Variants in INPP5D observed in about 807,000 individuals in gnomAD.
INPP5D encodes the protein phosphatidylinositol 3,4,5-trisphosphate 5-phosphatase 1.
In INPP5D, 33 loss-of-function variants were observed where a neutral mutation model predicts 122.9. The observed-to-expected ratio is 0.27, with a 90% CI of 0.20 to 0.36. The LOEUF (loss-of-function observed/expected upper bound fraction) is 0.36. Ranked by LOEUF, INPP5D falls within the 10% of genes least tolerant of loss-of-function variation. The pLI, the probability that INPP5D is intolerant of heterozygous loss-of-function variation, is 1.00. For missense variants in INPP5D, 1,053 were observed against 1,412.7 expected, an observed-to-expected ratio of 0.75 and a Z score of 4.08; for synonymous variants, 584 against 576.2, an observed-to-expected ratio of 1.01 and a Z score of -0.19.
intron 10 of INPP5D, among the ~76,000 whole-genome samples, chr2:233,159,299 T>G (rs182266075): frequency 6.6e-6 from 1 of 152,298 alleles, no homozygotes; most frequent in African/African-American, 2.4e-5. Flanking sequence ...AAACCTATCA[T>G]CGTGAACCTC....
At chr2:233,065,953 A>ATTTTTT (rs1357432161) in intron 1 of INPP5D, among the ~76,000 whole-genome samples, 44 of 149,082 alleles carry the variant, frequency 3.0e-4, no homozygotes, top group African/African-American at 1.0e-3. Context: ...CCTTTTTTTA[A>ATTTTTT]AATTATTATT....
At chr2:233,200,070 A>C (rs1190368775) in intron 25 of INPP5D, among the ~76,000 whole-genome samples, 1 of 152,242 alleles carries the variant, frequency 6.6e-6, no homozygotes, top group South Asian at 2.1e-4. Context: ...GCCAGCCTGC[A>C]GAGAGAGGAG....
At chr2:233,106,180 A>C (rs895419516) in intron 2 of INPP5D, among the ~76,000 whole-genome samples, 1 of 152,034 alleles carries the variant, frequency 6.6e-6, no homozygotes, top group African/African-American at 2.4e-5. Flanking sequence ...CTCAAATCTC[A>C]ATACTTAATG....
intron 5 of INPP5D, 103 bp from the exon 6 acceptor site, chr2:233,139,739 T>A: frequency 2.5e-6 from 1 of 394,224 alleles, no homozygotes; most frequent in Non-Finnish European, 4.5e-6. Context: ...CTGCTTCTGC[T>A]GGACTGAGGG....
At chr2:233,117,150 G>A (rs529216086) in intron 2 of INPP5D, among the ~76,000 whole-genome samples, 1 of 152,270 alleles carries the variant, frequency 6.6e-6, no homozygotes, top group South Asian at 2.1e-4. Flanking sequence ...GTTTCAAAAT[G>A]ACTTAACAAC....
intron 21 of INPP5D, among the ~76,000 whole-genome samples, chr2:233,187,803 G>A (rs1220261744): frequency 1.3e-5 from 2 of 152,156 alleles, no homozygotes; most frequent in Non-Finnish European, 2.9e-5. Context: ...TGCCTCACCC[G>A]GCCCAAGCCC....
rs967452334 is a variant in INPP5D, at chr2:233,063,154, G to A, written c.134+2542G>A. On this transcript the variant is annotated intron_variant, in intron 1 of 26. Transcript: ENST00000445964. ...TGTGCAGGGCAGCCGGGTTTTCTGC[G>A]GCTGCAGAAGTAGCAGGCTTTGCCC... Among the ~76,000 whole-genome samples the A allele has an allele frequency of 2.0e-5, 3 of 152,224 alleles. No individual in the cohort carries two copies. The South Asian group carries it at 6.2e-4, about 31-fold the overall frequency.
intron 5 of INPP5D, among the ~76,000 whole-genome samples, chr2:233,138,912 A>ATTTTT (rs759201099): frequency 1.4e-5 from 2 of 140,428 alleles, no homozygotes; most frequent in South Asian, 2.3e-4. Flanking sequence ...CACCTGGCTA[A>ATTTTT]TTTTTTTTTT....
chr2:233,141,779 T>A (rs1693636279), intron 6 of INPP5D, among the ~76,000 whole-genome samples: 1 of 152,082 alleles, frequency 6.6e-6, no homozygotes, highest in African/African-American at 2.4e-5. Context: ...GGGAAGGATT[T>A]AAACCCAAAG....
intron 2 of INPP5D, among the ~76,000 whole-genome samples, chr2:233,101,899 G>A (rs1200871174): frequency 1.3e-5 from 2 of 151,736 alleles, no homozygotes; most frequent in East Asian, 3.8e-4. Flanking sequence ...TGTGTGATCA[G>A]GGTCAAACTG....
At chr2:233,180,566 A>G (rs4585024) in intron 18 of INPP5D, among the ~76,000 whole-genome samples, 111,327 of 152,046 alleles carry the variant, frequency 0.73, 42,302 homozygotes, top group East Asian at 0.98. Context: ...TTTTGAGACA[A>G]TCTTGCTTTG....
intron 1 of INPP5D, among the ~76,000 whole-genome samples, chr2:233,063,379 G>A (rs750229049): frequency 1.3e-5 from 2 of 152,242 alleles, no homozygotes; most frequent in Non-Finnish European, 2.9e-5. Context: ...TGGGCAAGGG[G>A]ACAACGGCCG....
intron 17 of INPP5D, among the ~76,000 whole-genome samples, chr2:233,172,719 TA>T (rs1417314511): frequency 2.0e-5 from 3 of 152,244 alleles, no homozygotes; most frequent in African/African-American, 7.2e-5. Context: ...AGCGTGTCAT[TA>T]GGTGACTTCG....
intron 26 of INPP5D, 99 bp downstream of exon 26, chr2:233,204,816 G>A: frequency 7.1e-7 from 1 of 1,406,566 alleles, no homozygotes; most frequent in Non-Finnish European, 9.3e-7. Flanking sequence ...ATGTGTGTGT[G>A]CACGCATGCA....
At chr2:233,198,061 AC>A (rs1695230219) in intron 24 of INPP5D, 33 bp from the exon 25 acceptor site, 1 of 1,518,920 alleles carries the variant, frequency 6.6e-7, no homozygotes, top group Non-Finnish European at 8.8e-7. Context: ...AAGGGAAGGG[AC>A]CCCTGAGATG....
chr2:233,176,921 GC>G (rs1326928898), intron 17 of INPP5D, among the ~76,000 whole-genome samples: 1 of 152,028 alleles, frequency 6.6e-6, no homozygotes, highest in African/African-American at 2.4e-5. Context: ...GTAAGTGACT[GC>G]AGAAAGTGAG....
chr2:233,169,203 C>T (rs1213054061), intron 13 of INPP5D, 102 bp from the exon 14 acceptor site: 1 of 1,514,540 alleles, frequency 6.6e-7, no homozygotes, highest in Non-Finnish European at 8.9e-7. Context: ...CTTGCCAGCT[C>T]CTCACTCACT....
intron 13 of INPP5D, among the ~76,000 whole-genome samples, chr2:233,167,227 ATG>A (rs1694366812): frequency 4.2e-5 from 6 of 143,678 alleles, no homozygotes; most frequent in Non-Finnish European, 9.3e-5. Flanking sequence ...AAAAAAAAAA[ATG>A]GCATAGTAGT....
At chr2:233,155,754 G>A (rs1694036365) in intron 9 of INPP5D, among the ~76,000 whole-genome samples, 1 of 152,044 alleles carries the variant, frequency 6.6e-6, no homozygotes, top group Admixed American at 6.6e-5. Flanking sequence ...AAGAATTCAG[G>A]AAAGAGTCTC....
Sources: gnomAD v4.1 joint callset for allele counts (sites outside exome capture counted in the v4.1 genomes callset) on GRCh38, gnomAD v4.1.1 for gene constraint, MANE v1.5 for transcripts, NCBI Gene and HGNC (gene_info 2026-07-23, HGNC 2026-07-21) for gene names.